SLC25A48: variants seen among roughly 807,000 people sequenced by gnomAD.
SLC25A48 encodes solute carrier family 25 member 48.
A neutral mutation model predicts 32.2 loss-of-function variants in SLC25A48; 29 were observed. That is an observed-to-expected ratio of 0.90 (90% confidence interval 0.67 to 1.23). The LOEUF (loss-of-function observed/expected upper bound fraction) is 1.23, where lower values mean the gene tolerates loss of function less well. SLC25A48 is among the 50% of genes most tolerant of loss of function. The probability of loss-of-function intolerance (pLI) is 0.00; values close to 1 mark genes in which losing one functional copy is unlikely to be tolerated. For synonymous variants in SLC25A48, 164 were observed against 172.3 expected, an observed-to-expected ratio of 0.95 and a Z score of 0.38; for missense variants, 399 against 422.7, an observed-to-expected ratio of 0.94 and a Z score of 0.49.
chr5:135,628,946 T>C lies in SLC25A48; in HGVS notation c.-848-291T>C, dbSNP rs966060723. 5.3e-5 allele frequency among the ~76,000 whole-genome samples: 8 copies of C among 152,208 alleles called. No individual in the cohort carries two copies. In the South Asian group the frequency reaches 1.7e-3, roughly 32 times the overall value. On this transcript the variant is annotated intron_variant, in intron 1 of 10. Transcript: ENST00000646290. ...GCCACCCCATGTCCAGATGAGCATA[T>C]GTGTGAAGACAAGGATATATGTCCA...
chr5:135,874,596 G>GGCCC (rs1434375460), intron 6 of SLC25A48: 1 of 657,220 alleles, frequency 1.5e-6, no homozygotes, highest in Non-Finnish European at 2.7e-6. Context: ...ACCAGCTCCA[G>GGCCC]GCCCTGTGAA....
At chr5:135,795,685 T>C (rs1757151396) in intron 3 of SLC25A48, among the ~76,000 whole-genome samples, 1 of 151,586 alleles carries the variant, frequency 6.6e-6, no homozygotes, top group South Asian at 2.1e-4. Context: ...TAGAGGGTGA[T>C]ATTACTCCCC....
intron 3 of SLC25A48, among the ~76,000 whole-genome samples, chr5:135,714,335 C>G (rs71587586): frequency 6.6e-6 from 1 of 152,204 alleles, no homozygotes; most frequent in Admixed American, 6.5e-5. Flanking sequence ...ACAAATTCCT[C>G]CAGCCCCAGC....
chr5:135,811,939 G>A (rs2126651774), intron 3 of SLC25A48, among the ~76,000 whole-genome samples: 1 of 152,270 alleles, frequency 6.6e-6, no homozygotes, highest in Non-Finnish European at 1.5e-5. Context: ...AAAACTAGCT[G>A]GGTGTGGTGG....
intron 3 of SLC25A48, among the ~76,000 whole-genome samples, chr5:135,755,370 A>ATC: frequency 6.6e-6 from 1 of 152,058 alleles, no homozygotes; most frequent in African/African-American, 2.4e-5. Flanking sequence ...TGTGGTATTC[A>ATC]TCATATCTAA....
chr5:135,882,870 G>A (rs1762576603), intron 7 of SLC25A48, among the ~76,000 whole-genome samples: 1 of 152,172 alleles, frequency 6.6e-6, no homozygotes, highest in South Asian at 2.1e-4. Flanking sequence ...AAGGAAAGAA[G>A]ACATAGTGCT....
chr5:135,747,167 C>T (rs1204166850), intron 3 of SLC25A48, among the ~76,000 whole-genome samples: 1 of 151,920 alleles, frequency 6.6e-6, no homozygotes, highest in East Asian at 1.9e-4. Flanking sequence ...CACTGAAAGA[C>T]CATGTGACCA....
chr5:135,883,726 G>T (rs867609211), intron 7 of SLC25A48, among the ~76,000 whole-genome samples: 160 of 152,324 alleles, frequency 1.1e-3, no homozygotes, highest in African/African-American at 3.7e-3. Flanking sequence ...ACACGTTGGT[G>T]ACTTGCTTCA....
At chr5:135,856,467 C>T (rs936438646) in intron 4 of SLC25A48, among the ~76,000 whole-genome samples, 3 of 152,172 alleles carry the variant, frequency 2.0e-5, no homozygotes, top group Admixed American at 6.5e-5. Flanking sequence ...GCATCTCCTG[C>T]CCCAGCCCCG....
intron 3 of SLC25A48, among the ~76,000 whole-genome samples, chr5:135,658,502 G>T (rs944500951): frequency 6.6e-6 from 1 of 152,188 alleles, no homozygotes; most frequent in South Asian, 2.1e-4. Flanking sequence ...GGCTCATGGT[G>T]CAAGCTATTG....
chr5:135,813,378 A>T (rs146021708), intron 4 of SLC25A48, among the ~76,000 whole-genome samples: 54 of 152,272 alleles, frequency 3.5e-4, no homozygotes, highest in African/African-American at 1.3e-3. Flanking sequence ...GGTGGGAATG[A>T]GAGTGGTTGA....
intron 4 of SLC25A48, among the ~76,000 whole-genome samples, chr5:135,826,160 C>A (rs190144043): frequency 6.6e-6 from 1 of 152,228 alleles, no homozygotes; most frequent in African/African-American, 2.4e-5. Flanking sequence ...AAGAACCCAA[C>A]CCTTGGCAGA....
rs1432451713 is a variant in SLC25A48 at position 135,736,815 on chromosome 5, C to T, written c.-520-75708C>T. ...AGATAAAACGCATCTCCTGTCTCTA[C>T]CAGAAAAGGAAAGGAACTGAAATTA... On this transcript the variant is annotated intron_variant, in intron 3 of 10. Transcript: ENST00000646290. Among the ~76,000 whole-genome samples the T allele has an allele frequency of 2.6e-5, 4 of 151,622 alleles. No homozygotes were observed. In the South Asian group the frequency reaches 6.3e-4, roughly 24 times the overall value.
intron 4 of SLC25A48, among the ~76,000 whole-genome samples, chr5:135,815,956 G>A (rs1254195000): frequency 6.6e-6 from 1 of 152,202 alleles, no homozygotes; most frequent in Non-Finnish European, 1.5e-5. Flanking sequence ...ACCTGAGACT[G>A]GGTAATTTAT....
chr5:135,736,890 G>T (rs1755373673), intron 3 of SLC25A48, among the ~76,000 whole-genome samples: 1 of 152,142 alleles, frequency 6.6e-6, no homozygotes, highest in South Asian at 2.1e-4. Flanking sequence ...GGAGAAAGAG[G>T]TTGAGGGATA....
chr5:135,662,570 G>A (rs1753429404), intron 3 of SLC25A48, among the ~76,000 whole-genome samples: 1 of 152,266 alleles, frequency 6.6e-6, no homozygotes, highest in Admixed American at 6.5e-5. Context: ...CCAATGGGGA[G>A]ACCCCTGGGC....
In SLC25A48 at chr5:135,850,308, C is replaced by A. The variant is rs1464100206; in HGVS notation, c.91-117C>A. ...GCACCAGCCTGGCCAGGACTGAAAC[C>A]CAGACCCTTTGCTGGCGGGGGTCAC... On this transcript the variant is annotated intron_variant, in intron 2 of 7. Coordinates refer to ENST00000681962, the MANE Select transcript of SLC25A48 (RefSeq NM_001349336.2). The A allele has an allele frequency of 7.7e-5, 78 of 1,018,626 alleles. No individual in the cohort carries two copies. In the East Asian group the frequency reaches 1.8e-3, roughly 24 times the overall value. The allele number at this position is 1,018,626 out of a possible 1,614,324, so 63.1% of individuals were successfully genotyped here. A position where few individuals can be genotyped will look rare whatever the true frequency, so the allele number is the denominator to read the frequency against.
At chr5:135,778,208 C>T (rs933454615) in intron 3 of SLC25A48, among the ~76,000 whole-genome samples, 2 of 150,930 alleles carry the variant, frequency 1.3e-5, no homozygotes, top group East Asian at 2.0e-4. Flanking sequence ...TATCGCAGGG[C>T]GTGTACACCC....
At chr5:135,885,624 C>T (rs990251737) in intron 7 of SLC25A48, among the ~76,000 whole-genome samples, 6 of 152,312 alleles carry the variant, frequency 3.9e-5, no homozygotes, top group Admixed American at 3.9e-4. Flanking sequence ...GGCCTGTGCC[C>T]CCCTTCAGAG....
Sources: gnomAD v4.1 joint callset for allele counts (sites outside exome capture counted in the v4.1 genomes callset) on GRCh38, gnomAD v4.1.1 for gene constraint, MANE v1.5 for transcripts, NCBI Gene and HGNC (gene_info 2026-07-23, HGNC 2026-07-21) for gene names.